KCNJ5: variants seen among roughly 807,000 people sequenced by gnomAD.
The protein encoded by KCNJ5 is potassium inwardly rectifying channel subfamily J member 5, also known as G protein-activated inward rectifier potassium channel 4.
In KCNJ5, 12 loss-of-function variants were observed where a neutral mutation model predicts 20.2. The observed-to-expected ratio is 0.59, with a 90% confidence interval of 0.38 to 0.96. KCNJ5 has a LOEUF of 0.96. Among genes scored for constraint, KCNJ5 ranks in the 40% least tolerant of loss-of-function variants. KCNJ5 has a pLI of 0.00. For synonymous variants in KCNJ5, 210 were observed against 213.9 expected (o/e 0.98, Z 0.16); for missense variants, 449 against 557.6 (o/e 0.81, Z 1.96).
intron 1 of KCNJ5, chr11:128,902,441 G>A (rs946097195): frequency 4.3e-6 from 6 of 1,379,326 alleles, no homozygotes; most frequent in Non-Finnish European, 6.0e-6. Flanking sequence ...CAGGGTGCCA[G>A]TTAGGGAGGA....
Position 128,902,428 on chromosome 11 carries a change from G to A in KCNJ5, c.-10-8836G>A. On this transcript the variant is annotated intron_variant, in intron 1 of 2. Coordinates refer to ENST00000529694, the MANE Select transcript of KCNJ5 (RefSeq NM_000890.5). Reference sequence around the variant, plus strand: ...AGACACTGTTCTCTGCAGCAGGTTTGCACAGGGTGCCAGTTAGGGAGGAGA... The same window carrying A: ...AGACACTGTTCTCTGCAGCAGGTTTACACAGGGTGCCAGTTAGGGAGGAGA... The A allele has an allele frequency of 4.9e-6, 6 of 1,232,230 alleles. 1 individual carries two copies. In the South Asian group the frequency reaches 6.8e-5, roughly 14 times the overall value. 76.3% of individuals were successfully genotyped at this position (1,232,230 alleles called of 1,614,324 possible). A position where few individuals can be genotyped will look rare whatever the true frequency, so the allele number is the denominator to read the frequency against.
At chr11:128,902,528 A>G (rs1295305265) in intron 1 of KCNJ5, 1 of 1,573,668 alleles carries the variant, frequency 6.4e-7, no homozygotes, top group Admixed American at 1.9e-5. Context: ...GGGGCTGGGG[A>G]GCACAGGGCT....
chr11:128,911,960 C>T lies in KCNJ5; in HGVS notation c.687C>T (p.Ile229=), dbSNP rs149327599. 47 of 1,599,808 alleles carry T rather than the reference C, an allele frequency of 2.9e-5. No individual in the cohort carries two copies. The East Asian group carries it at 4.0e-4, about 14-fold the overall frequency. The change falls in exon 2 of 3, where the codon ATC becomes ATT. Residue 229 remains isoleucine (I), a synonymous_variant. Coordinates refer to ENST00000529694, the MANE Select transcript of KCNJ5 (RefSeq NM_000890.5). This position sits in a 1 kb window ranked among gnomAD's most constrained non-coding sequence, Gnocchi z 6.3. ...TGGGCGACCTCCGCAACTCCCACAT[C>T]GTGGAGGCCTCCATCCGGGCCAAGC... ...FRVGDLRNSH[I]VEASIRAKLI... is the part of the protein sequence containing the mutation.
chr11:128,895,394 A>T (rs1182105258), intron 1 of KCNJ5, among the ~76,000 whole-genome samples: 1 of 96,614 alleles, frequency 1.0e-5, no homozygotes, highest in Non-Finnish European at 2.3e-5. Flanking sequence ...CCCCCCCCCA[A>T]CCCCAGGGAT....
At chr11:128,894,450 G>A (rs1156721607) in intron 1 of KCNJ5, among the ~76,000 whole-genome samples, 1 of 152,236 alleles carries the variant, frequency 6.6e-6, no homozygotes, top group Non-Finnish European at 1.5e-5. Flanking sequence ...TGTTCACTGT[G>A]TATGAGCTAT....
At chr11:128,907,175 A>G (rs866884033) in intron 1 of KCNJ5, among the ~76,000 whole-genome samples, 3 of 152,188 alleles carry the variant, frequency 2.0e-5, no homozygotes, top group Non-Finnish European at 4.4e-5. Context: ...TTCAAAGCTC[A>G]GAGAGTGGTA....
At chr11:128,916,300 GGATGGATGGATA>G (rs1276993171) in intron 2 of KCNJ5, 97 bp from the exon 3 acceptor site, 3 of 834,570 alleles carry the variant, frequency 3.6e-6, no homozygotes, top group Non-Finnish European at 6.1e-6. Context: ...CTGGATGGAT[GGATGGATGGATA>G]GATGGATGGA....
intron 1 of KCNJ5, among the ~76,000 whole-genome samples, chr11:128,894,791 T>C (rs1944146365): frequency 6.6e-6 from 1 of 152,228 alleles, no homozygotes; most frequent in Non-Finnish European, 1.5e-5. Flanking sequence ...CAGCAGCTTA[T>C]CTAGTTCCTC....
At chr11:128,895,279 C>T (rs1944156329) in intron 1 of KCNJ5, among the ~76,000 whole-genome samples, 2 of 152,164 alleles carry the variant, frequency 1.3e-5, no homozygotes, top group Admixed American at 1.3e-4. Flanking sequence ...TTATTTCCTG[C>T]TGCTCAGAAA....
In KCNJ5 at chr11:128,911,891, A is replaced by G. The variant is rs758377412; in HGVS notation, c.618A>G (p.Ala206=). 5.6e-6 allele frequency: 9 copies of G among 1,609,570 alleles called. No individual in the cohort carries two copies. Among genetic ancestry groups the G allele is most frequent in the Non-Finnish European group, 7.6e-6 (9 of 1,176,550 alleles). The part of the protein sequence containing the change: ...RAETLMFSNN[A]VISMRDEKLC... ...AGACCCTCATGTTTTCCAACAACGC[A>G]GTCATCTCCATGCGGGACGAGAAGC... The change falls in exon 2 of 3, where the codon GCA becomes GCG. Residue 206 remains alanine (A), a synonymous_variant. Transcript: ENST00000529694. This position sits in a 1 kb window ranked among gnomAD's most constrained non-coding sequence, Gnocchi z 6.3.
In KCNJ5 at chr11:128,911,395, G is replaced by A. The variant is rs139073333; in HGVS notation, c.122G>A (p.Arg41His). The A allele has an allele frequency of 6.1e-5, 99 of 1,614,180 alleles. No homozygotes were observed. The African/African-American group carries it at 1.0e-3, about 17-fold the overall frequency. Residue 41 changes from arginine (R) to histidine (H), a missense_variant, in exon 2 of 3, where the codon CGC becomes CAC. Arg to His is a conservative substitution (Grantham distance 29, BLOSUM62 0). This residue lies in a region of KCNJ5 where 203 missense variants were observed against 258.0 expected (regional missense o/e 0.79). Transcript: ENST00000529694. This position sits in a 1 kb window ranked among gnomAD's most constrained non-coding sequence, Gnocchi z 6.3. The stretch of plus-strand genomic sequence containing the variant: ...GTCCCCATTGCCACAGACCGTACGC[G>A]CCTGCTGGCCGAGGGCAAGAAGCCA... ...DYVPIATDRTRLLAEGKKPRQ... is the reference protein window; with the variant it reads ...DYVPIATDRTHLLAEGKKPRQ...
intron 1 of KCNJ5, among the ~76,000 whole-genome samples, chr11:128,897,139 T>G (rs2135983454): frequency 7.4e-6 from 1 of 134,380 alleles, no homozygotes; most frequent in East Asian, 2.4e-4. Context: ...ACTCTGTCAC[T>G]TAGGCTGGAG....
intron 1 of KCNJ5, chr11:128,904,706 C>T (rs557733354): frequency 2.5e-4 from 154 of 605,186 alleles, no homozygotes; most frequent in Non-Finnish European, 4.0e-4. Flanking sequence ...CCTTCTATCC[C>T]CAGAGCTCAA....
chr11:128,907,816 C>T (rs1245681194), intron 1 of KCNJ5, among the ~76,000 whole-genome samples: 1 of 152,244 alleles, frequency 6.6e-6, no homozygotes, highest in Non-Finnish European at 1.5e-5. Flanking sequence ...GCTAGAATAT[C>T]AACTATGGGA....
In KCNJ5 at chr11:128,911,625, C is replaced by T. The variant is rs1481248110; in HGVS notation, c.352C>T (p.Leu118=). ...GCTCATTGCTTATATCCGGGGTGAC[C>T]TGGACCATGTTGGCGACCAAGAGTG... ...WWLIAYIRGD[L]DHVGDQEWIP... is the part of the protein sequence containing the mutation. The change falls in exon 2 of 3, where the codon CTG becomes TTG. Residue 118 remains leucine, a synonymous_variant. Coordinates refer to ENST00000529694, the MANE Select transcript of KCNJ5 (RefSeq NM_000890.5). This position sits in a 1 kb window ranked among gnomAD's most constrained non-coding sequence, Gnocchi z 6.3. The T allele has an allele frequency of 1.9e-6, 3 of 1,614,098 alleles. No homozygotes were observed. The African/African-American group carries it at 4.0e-5, about 22-fold the overall frequency.
At chr11:128,902,689 C>G in intron 1 of KCNJ5, 1 of 1,612,622 alleles carries the variant, frequency 6.2e-7, no homozygotes, top group Non-Finnish European at 8.5e-7. Context: ...GTCCTGAGGA[C>G]TGACAGGTAA....
At chr11:128,895,382 A>ACCCCCCC (rs59889127) in intron 1 of KCNJ5, among the ~76,000 whole-genome samples, 3 of 141,310 alleles carry the variant, frequency 2.1e-5, no homozygotes, top group Non-Finnish European at 4.6e-5. Context: ...GTGTGCCCCC[A>ACCCCCCC]CCCCCCCCCC....
intron 1 of KCNJ5, among the ~76,000 whole-genome samples, chr11:128,898,972 G>T (rs1043780638): frequency 6.6e-6 from 1 of 152,240 alleles, no homozygotes; most frequent in Non-Finnish European, 1.5e-5. Context: ...GAGCCGCCGT[G>T]CCTGGCCTTT....
intron 1 of KCNJ5, chr11:128,900,873 A>T (rs1008540056): frequency 6.6e-6 from 1 of 152,220 alleles, no homozygotes; most frequent in African/African-American, 2.4e-5. Flanking sequence ...AATTCCACAT[A>T]CTAGGAATAC....
Sources: allele counts gnomAD v4.1 joint callset (sites outside exome capture counted in the v4.1 genomes callset), GRCh38; gene constraint gnomAD v4.1.1; regional missense constraint gnomAD v4.1.1; non-coding constraint Gnocchi (gnomAD v3.1); transcripts MANE v1.5; gene names NCBI Gene and HGNC (gene_info 2026-07-23, HGNC 2026-07-21).